The following GABRA5 variants were observed in gnomAD, a reference collection of about 807,000 sequenced individuals.
The protein encoded by GABRA5 is gamma-aminobutyric acid receptor subunit alpha-5.
A neutral mutation model predicts 47.3 loss-of-function variants in GABRA5; 18 were observed. The ratio of observed to expected loss-of-function variants is 0.38; its 90% CI spans 0.26 to 0.56. The LOEUF (loss-of-function observed/expected upper bound fraction) is 0.56. Ranked by LOEUF, GABRA5 falls within the 20% of genes least tolerant of loss-of-function variation. The pLI, the probability that GABRA5 is intolerant of heterozygous loss-of-function variation, is 0.71. For missense variants in GABRA5, 365 were observed against 599.3 expected, an observed-to-expected ratio of 0.61 and a Z score of 4.08; for synonymous variants, 237 against 229.3, an observed-to-expected ratio of 1.03 and a Z score of -0.30.
At chr15:26,916,025 C>T (rs1893709620) in intron 7 of GABRA5, among the ~76,000 whole-genome samples, 1 of 152,136 alleles carries the variant, frequency 6.6e-6, no homozygotes, top group South Asian at 2.1e-4. Flanking sequence ...ATCTCTCTTT[C>T]ACCATGTAAT....
chr15:26,915,319 C>G lies in GABRA5; in HGVS notation c.580+434C>G, dbSNP rs906077261. On this transcript the variant is annotated intron_variant, in intron 7 of 10. Transcript: ENST00000335625. ...CTTCTTCTAGAATGTTCCATAAGAG[C>G]AACAGCCTCATCTGTCATGTTCATA... Among the ~76,000 whole-genome samples, 3 of 152,192 alleles carry G rather than the reference C, an allele frequency of 2.0e-5. No individual in the cohort carries two copies. The South Asian group carries it at 6.2e-4, about 32-fold the overall frequency.
At chr15:26,910,070 G>GCT (rs1555391612) in intron 6 of GABRA5, among the ~76,000 whole-genome samples, 1 of 150,994 alleles carries the variant, frequency 6.6e-6, no homozygotes, top group African/African-American at 2.4e-5. Flanking sequence ...TGAAATAAAT[G>GCT]TTTTTTTTTC....
intron 6 of GABRA5, among the ~76,000 whole-genome samples, chr15:26,894,177 C>T (rs1341310571): frequency 6.6e-6 from 1 of 152,160 alleles, no homozygotes; most frequent in East Asian, 1.9e-4. Context: ...AGCAGCCCAG[C>T]CCTCACTTGG....
chr15:26,894,772 T>G (rs1893138247), intron 6 of GABRA5, among the ~76,000 whole-genome samples: 2 of 152,136 alleles, frequency 1.3e-5, no homozygotes, highest in Non-Finnish European at 2.9e-5. Context: ...TTCTGGGACC[T>G]TTCTGAAGTC....
chr15:26,918,519 G>C (rs556402808), intron 7 of GABRA5, among the ~76,000 whole-genome samples: 31 of 152,218 alleles, frequency 2.0e-4, no homozygotes, highest in African/African-American at 7.5e-4. Flanking sequence ...TGTTCTGTCT[G>C]GTTGTTTTAT....
intron 6 of GABRA5, among the ~76,000 whole-genome samples, chr15:26,888,284 C>G (rs144377221): frequency 6.6e-6 from 1 of 152,202 alleles, no homozygotes; most frequent in South Asian, 2.1e-4. Flanking sequence ...TCTCCTGTTG[C>G]GTCCTCAAGA....
intron 7 of GABRA5, among the ~76,000 whole-genome samples, chr15:26,915,208 C>T (rs1893691905): frequency 6.6e-6 from 1 of 152,262 alleles, no homozygotes; most frequent in South Asian, 2.1e-4. Context: ...TCTCAGATTA[C>T]AGGTCACCTG....
Position 26,883,561 on chromosome 15 carries a change from A to C in GABRA5, c.497+4A>C. The C allele has an allele frequency of 7.0e-6, 8 of 1,139,028 alleles. No homozygotes were observed. The highest frequency in any genetic ancestry group is 1.0e-5 in the Non-Finnish European group (8 of 775,210). The allele number at this position is 1,139,028 out of a possible 1,614,324, so 70.6% of individuals were successfully genotyped here. On this transcript the variant is annotated splice_donor_region_variant and intron_variant, in intron 6 of 10. Coordinates refer to ENST00000335625, the MANE Select transcript of GABRA5 (RefSeq NM_000810.4). This position sits in a 1 kb window ranked among gnomAD's most constrained non-coding sequence, Gnocchi z 4.8. ...GCACCCTGCTCTACACCATGCGGTG[A>C]GCGCCGGGCGGGGGCGGGCGGGGCC...
At chr15:26,916,716 T>C (rs1442759251) in intron 7 of GABRA5, among the ~76,000 whole-genome samples, 1 of 152,150 alleles carries the variant, frequency 6.6e-6, no homozygotes, top group Non-Finnish European at 1.5e-5. Context: ...GTGGCATCTT[T>C]CCATTTGTTT....
chr15:26,923,059 T>G (rs1440243853), intron 7 of GABRA5, among the ~76,000 whole-genome samples: 1 of 152,250 alleles, frequency 6.6e-6, no homozygotes, highest in Non-Finnish European at 1.5e-5. Flanking sequence ...TTGTCTTAAA[T>G]ATTTCCTCTA....
chr15:26,882,390 C>A (rs554662697), intron 4 of GABRA5, among the ~76,000 whole-genome samples: 1 of 152,146 alleles, frequency 6.6e-6, no homozygotes, highest in Non-Finnish European at 1.5e-5. Context: ...CATCACACCG[C>A]GAGCTGCTGG....
In GABRA5 at chr15:26,911,398, A is replaced by ACACACACACAC. The variant is rs1566877398; in HGVS notation, c.498-3405_498-3404insCACACACACAC. On this transcript the variant is annotated intron_variant, in intron 6 of 10. Coordinates refer to ENST00000335625, the MANE Select transcript of GABRA5 (RefSeq NM_000810.4). ...ACACACACACACACACACACACACAAACACACACACTCCTGCAATATGCTA... is the reference window on the plus strand; with the variant it reads ...ACACACACACACACACACACACACAACACACACACACACACACACACTCCTGCAATATGCTA... 5.2e-5 allele frequency among the ~76,000 whole-genome samples: 5 copies of ACACACACACAC among 96,840 alleles called. No homozygotes were observed. The South Asian group carries it at 1.0e-3, about 20-fold the overall frequency. 63.5% of individuals were successfully genotyped at this position (96,840 alleles called of 152,430 possible).
At chr15:26,928,423 A>C (rs1894011370) in intron 7 of GABRA5, among the ~76,000 whole-genome samples, 1 of 152,192 alleles carries the variant, frequency 6.6e-6, no homozygotes. Flanking sequence ...TGTTTCAACA[A>C]TCACGTTGAT....
At chr15:26,898,234 G>A (rs528667913) in intron 6 of GABRA5, among the ~76,000 whole-genome samples, 59 of 152,310 alleles carry the variant, frequency 3.9e-4, no homozygotes, top group African/African-American at 1.4e-3. Context: ...CCTCTGTTCA[G>A]TGAGTCAAGG....
At chr15:26,947,251 A>T (rs914012478) in intron 10 of GABRA5, among the ~76,000 whole-genome samples, 1 of 152,102 alleles carries the variant, frequency 6.6e-6, no homozygotes, top group Admixed American at 6.5e-5. Flanking sequence ...GTACATGTGC[A>T]GGTTTGTTGT....
At chr15:26,911,760 T>A (rs1252171314) in intron 6 of GABRA5, among the ~76,000 whole-genome samples, 1 of 151,990 alleles carries the variant, frequency 6.6e-6, no homozygotes, top group African/African-American at 2.4e-5. Context: ...GAGCAATGGG[T>A]TGGGGGTAAC....
intron 7 of GABRA5, among the ~76,000 whole-genome samples, chr15:26,930,791 T>G (rs1894082572): frequency 6.6e-6 from 1 of 152,136 alleles, no homozygotes; most frequent in African/African-American, 2.4e-5. Context: ...CCAAAGCCAC[T>G]TCCACATTTC....
At chr15:26,922,634 C>A (rs987107677) in intron 7 of GABRA5, among the ~76,000 whole-genome samples, 3 of 151,846 alleles carry the variant, frequency 2.0e-5, no homozygotes, top group African/African-American at 7.3e-5. Flanking sequence ...GTTTTTATTT[C>A]TTTGTTTTCT....
chr15:26,940,813 G>A (rs1262010923), intron 9 of GABRA5, among the ~76,000 whole-genome samples: 1 of 152,122 alleles, frequency 6.6e-6, no homozygotes, highest in Non-Finnish European at 1.5e-5. Context: ...AACTCAGGAG[G>A]TACCTCGGCC....
Sources: allele counts gnomAD v4.1 joint callset (sites outside exome capture counted in the v4.1 genomes callset), GRCh38; gene constraint gnomAD v4.1.1; non-coding constraint Gnocchi (gnomAD v3.1); transcripts MANE v1.5; gene names NCBI Gene and HGNC (gene_info 2026-07-23, HGNC 2026-07-21).